UBN2: variants seen among roughly 807,000 people sequenced by gnomAD.
The protein encoded by UBN2 is ubinuclein 2, also known as ubinuclein-2.
A neutral mutation model predicts 120.2 loss-of-function variants in UBN2; 35 were observed. The ratio of observed to expected loss-of-function variants is 0.29; its 90% confidence interval spans 0.22 to 0.39. The LOEUF is 0.39. Among genes scored for constraint, UBN2 ranks in the 10% least tolerant of loss-of-function variants. The pLI, the probability that UBN2 is intolerant of heterozygous loss-of-function variation, is 1.00. For synonymous variants in UBN2, 661 were observed against 648.7 expected, an observed-to-expected ratio of 1.02 and a Z score of -0.29; for missense variants, 1,693 against 1,663.2, an observed-to-expected ratio of 1.02 and a Z score of -0.31.
At chr7:139,288,637 A>G (rs751065156) in intron 15 of UBN2, among the ~76,000 whole-genome samples, 2 of 152,138 alleles carry the variant, frequency 1.3e-5, no homozygotes, top group African/African-American at 4.8e-5. Context: ...TTGCATTTCA[A>G]AAGTTTACTC....
the UBN2 span, among the ~76,000 whole-genome samples, chr7:139,325,614 A>G: frequency 1.3e-5 from 2 of 152,182 alleles, no homozygotes; most frequent in African/African-American, 2.4e-5. Flanking sequence ...CACACTCGAC[A>G]GAAGTGCATG....
At chr7:139,289,437 G>A (rs989844978) in intron 15 of UBN2, among the ~76,000 whole-genome samples, 2 of 119,718 alleles carry the variant, frequency 1.7e-5, no homozygotes, top group African/African-American at 3.9e-5. Flanking sequence ...TTTTGAGACA[G>A]GGTCTCACTC....
chr7:139,234,079 T>C (rs1466478249), intron 1 of UBN2, among the ~76,000 whole-genome samples: 5 of 152,070 alleles, frequency 3.3e-5, no homozygotes, highest in African/African-American at 1.2e-4. Context: ...AGAAAACATA[T>C]GTTTAAGTAA....
At position 139,280,299 on chromosome 7, in the gene UBN2, TTGAC is replaced by T. The variant is rs993067451; in HGVS notation, c.2067+943_2067+946del. Reference sequence around the variant, plus strand: ...TATGGAATTTAGTACATAAAATAATTTGACTGAAAAATTTTTAATATTTAGAGAA... The same window carrying T: ...TATGGAATTTAGTACATAAAATAATTTGAAAAATTTTTAATATTTAGAGAA... On this transcript the variant is annotated intron_variant, in intron 13 of 17. Coordinates refer to ENST00000473989, the MANE Select transcript of UBN2 (RefSeq NM_173569.4). Among the ~76,000 whole-genome samples, 9 of 152,174 alleles carry T rather than the reference TTGAC, an allele frequency of 5.9e-5. No individual in the cohort carries two copies. In the East Asian group the frequency reaches 1.2e-3, roughly 20 times the overall value.
chr7:139,269,872 A>C (rs1307711363), intron 8 of UBN2, among the ~76,000 whole-genome samples: 2 of 150,784 alleles, frequency 1.3e-5, no homozygotes, highest in Non-Finnish European at 3.0e-5. Context: ...CGTGGCGTGA[A>C]CATGGCTCTC....
At chr7:139,286,310 C>G (rs140671600) in intron 15 of UBN2, among the ~76,000 whole-genome samples, 153 of 152,174 alleles carry the variant, frequency 1.0e-3, no homozygotes, top group African/African-American at 3.5e-3. Flanking sequence ...GTGATCTGCC[C>G]GCTTCCGCCT....
downstream of UBN2, among the ~76,000 whole-genome samples, chr7:139,309,871 T>G (rs1023286070): frequency 1.3e-5 from 2 of 152,124 alleles, no homozygotes; most frequent in Non-Finnish European, 1.5e-5. Flanking sequence ...TAAATACATA[T>G]GTGTGTACAT....
At position 139,239,551 on chromosome 7, in the gene UBN2, C is replaced by CTTTT. The variant is rs774812960; in HGVS notation, c.561+2474_561+2477dup. Among the ~76,000 whole-genome samples, 239 of 94,530 alleles carry CTTTT rather than the reference C, an allele frequency of 2.5e-3. 7 individuals are homozygous for CTTTT. The highest frequency in any genetic ancestry group is 7.6e-3 in the African/African-American group (167 of 21,978). The allele number at this position is 94,530 out of a possible 152,430, so 62.0% of individuals were successfully genotyped here. ...TCCCTCCATCACTATATTAGAGTGT[C>CTTTT]TTTTTTTTTTTTTTTTTTTTTTTGA... On this transcript the variant is annotated intron_variant, in intron 2 of 17. Coordinates refer to ENST00000473989, the MANE Select transcript of UBN2 (RefSeq NM_173569.4).
intron 15 of UBN2, among the ~76,000 whole-genome samples, chr7:139,285,775 C>T (rs1483365564): frequency 1.3e-5 from 2 of 152,010 alleles, no homozygotes; most frequent in African/African-American, 4.8e-5. Flanking sequence ...CAGAGTCTCG[C>T]TCTGTCGTCC....
the UBN2 span, among the ~76,000 whole-genome samples, chr7:139,314,386 CAG>C: frequency 6.6e-6 from 1 of 151,634 alleles, no homozygotes; most frequent in Admixed American, 6.6e-5. Flanking sequence ...ACCCGGGAGG[CAG>C]AGAGAGGTTG....
chr7:139,277,703 T>C (rs540013834), intron 12 of UBN2: 3 of 152,344 alleles, frequency 2.0e-5, no homozygotes, highest in South Asian at 2.1e-4. Context: ...ATAAATTTTA[T>C]GTACATACGT....
At chr7:139,323,565 A>G in the UBN2 span, among the ~76,000 whole-genome samples, 1 of 87,420 alleles carries the variant, frequency 1.1e-5, no homozygotes, top group Non-Finnish European at 2.3e-5. Flanking sequence ...GATTATTATT[A>G]TTATTATTAT....
intron 15 of UBN2, among the ~76,000 whole-genome samples, chr7:139,292,987 A>G (rs1438535741): frequency 2.0e-5 from 3 of 152,160 alleles, no homozygotes; most frequent in Non-Finnish European, 4.4e-5. Context: ...CTAGGAGGCA[A>G]AAGTGGAGGA....
At position 139,283,283 on chromosome 7, in the gene UBN2, C is replaced by A; in HGVS notation, c.2378C>A (p.Pro793Gln). Reference protein sequence around the residue: ...GPPVGSRISMPTTKPRPGLRE... With the variant: ...GPPVGSRISMQTTKPRPGLRE... ...CCAGTTGGCTCAAGGATAAGCATGC[C>A]AACCACAAAGCCTCGTCCAGGACTG... The change falls in exon 15 of 18, where the codon CCA (proline) becomes CAA (glutamine). Residue 793 changes from proline to glutamine, a missense_variant. By Grantham distance (76) the Pro-to-Gln change is moderately conservative. Transcript: ENST00000473989. 1 of 1,613,694 alleles carries A rather than the reference C, an allele frequency of 6.2e-7. No homozygotes were observed. The highest frequency in any genetic ancestry group is 1.3e-5 in the African/African-American group (1 of 74,856).
At position 139,252,068 on chromosome 7, in the gene UBN2, T is replaced by C; in HGVS notation, c.663+11T>C. The C allele has an allele frequency of 1.2e-6, 2 of 1,601,862 alleles. No homozygotes were observed. Among genetic ancestry groups the C allele is most frequent in the South Asian group, 2.2e-5 (2 of 90,812 alleles). ...GATAACTCAGAGGCTGTGAGTAATG[T>C]ATCTTTAATATAGCAGCAAATTCAT... On this transcript the variant is annotated intron_variant, in intron 3 of 17. Coordinates refer to ENST00000473989, the MANE Select transcript of UBN2 (RefSeq NM_173569.4).
At chr7:139,238,785 C>G (rs948649583) in intron 2 of UBN2, among the ~76,000 whole-genome samples, 2 of 152,102 alleles carry the variant, frequency 1.3e-5, no homozygotes, top group African/African-American at 4.8e-5. Flanking sequence ...CTATTGTTCT[C>G]TATTCTGTGA....
chr7:139,288,038 C>T (rs750851213), intron 15 of UBN2, among the ~76,000 whole-genome samples: 93 of 152,322 alleles, frequency 6.1e-4, no homozygotes, highest in Non-Finnish European at 1.0e-3. Flanking sequence ...GTTTCCTCCT[C>T]TTTCTTACCC....
intron 12 of UBN2, chr7:139,277,551 A>AG (rs1466623031): frequency 4.6e-5 from 7 of 152,236 alleles, no homozygotes; most frequent in African/African-American, 1.7e-4. Context: ...AAAGGTCTTC[A>AG]TCCTCAGGGG....
At chr7:139,252,185 C>A in intron 3 of UBN2, 128 bp downstream of exon 3, 17 of 590,324 alleles carry the variant, frequency 2.9e-5, no homozygotes, top group Non-Finnish European at 3.9e-5. Context: ...ATGTTCACTA[C>A]TTAAAGATTT....
Sources: allele counts gnomAD v4.1 joint callset (sites outside exome capture counted in the v4.1 genomes callset), GRCh38; gene constraint gnomAD v4.1.1; transcripts MANE v1.5; gene names NCBI Gene and HGNC (gene_info 2026-07-23, HGNC 2026-07-21).